BTBD9: variants seen among roughly 807,000 people sequenced by gnomAD.
BTBD9 encodes BTB/POZ domain-containing protein 9.
In BTBD9, 49 loss-of-function variants were observed where a neutral mutation model predicts 64.3. The observed-to-expected ratio is 0.76, with a 90% CI of 0.61 to 0.97. The LOEUF (loss-of-function observed/expected upper bound fraction) is 0.97. Ranked by LOEUF, BTBD9 falls within the 50% of genes least tolerant of loss-of-function variation. The pLI is 0.00. For missense variants in BTBD9, 598 were observed against 762.1 expected (o/e 0.78, Z 2.53); for synonymous variants, 260 against 274.7 (o/e 0.95, Z 0.53).
chr6:38,310,156 G>A (rs1339194916), intron 7 of BTBD9, among the ~76,000 whole-genome samples: 8 of 152,168 alleles, frequency 5.3e-5, no homozygotes, highest in African/African-American at 1.4e-4. Flanking sequence ...AAGTGAGTAC[G>A]AACTTCTGAA....
chr6:38,294,266 C>T (rs896722433), intron 7 of BTBD9, among the ~76,000 whole-genome samples: 1 of 152,144 alleles, frequency 6.6e-6, no homozygotes, highest in Non-Finnish European at 1.5e-5. Context: ...GTGGCGATTC[C>T]TCAAGAATCT....
chr6:38,499,152 A>G (rs1420380551), intron 6 of BTBD9, among the ~76,000 whole-genome samples: 1 of 152,024 alleles, frequency 6.6e-6, no homozygotes, highest in Non-Finnish European at 1.5e-5. Flanking sequence ...ACCAAAAAAA[A>G]AAACAGAGAA....
chr6:38,364,127 G>T (rs1438849498), intron 6 of BTBD9, among the ~76,000 whole-genome samples: 2 of 152,070 alleles, frequency 1.3e-5, no homozygotes, highest in East Asian at 3.8e-4. Context: ...AGAACCTAAT[G>T]TAGCATTAAA....
intron 7 of BTBD9, among the ~76,000 whole-genome samples, chr6:38,326,844 T>A (rs1763461356): frequency 6.6e-6 from 1 of 152,014 alleles, no homozygotes; most frequent in Non-Finnish European, 1.5e-5. Context: ...TCTGTACTAC[T>A]GACAGTTCTG....
At chr6:38,176,037 A>G (rs1010377609) in intron 10 of BTBD9, among the ~76,000 whole-genome samples, 4 of 152,252 alleles carry the variant, frequency 2.6e-5, no homozygotes, top group Admixed American at 6.5e-5. Flanking sequence ...AGCACTGTGC[A>G]GACAGGGCAC....
intron 10 of BTBD9, among the ~76,000 whole-genome samples, chr6:38,178,926 C>T (rs911660607): frequency 6.6e-6 from 1 of 152,214 alleles, no homozygotes; most frequent in Admixed American, 6.5e-5. Flanking sequence ...TATCTCAGCT[C>T]ACTGCAACCT....
At position 38,592,582 on chromosome 6, in the gene BTBD9, T is replaced by A. The variant is rs1011807700; in HGVS notation, c.808A>T (p.Met270Leu). 1 of 1,613,984 alleles carries A rather than the reference T, an allele frequency of 6.2e-7. No individual in the cohort carries two copies. Among genetic ancestry groups the A allele is most frequent in the African/African-American group, 1.3e-5 (1 of 74,916 alleles). ...AGGATAGACAGGTACTTACTGAGCA[T>A]GCCTCTATAATTGAGGTCCATATCC... ...SRDMDLNYRG[M>L]LIPEENIATM... Residue 270 changes from methionine (M) to leucine (L), a missense_variant, in exon 4 of 11, where the codon ATG becomes TTG. Transcript: ENST00000481247.
intron 7 of BTBD9, among the ~76,000 whole-genome samples, chr6:38,343,133 G>T (rs1209948094): frequency 1.3e-5 from 2 of 152,204 alleles, no homozygotes; most frequent in Non-Finnish European, 2.9e-5. Context: ...ATGGAAGAGT[G>T]CTTGAAGAGT....
intron 6 of BTBD9, among the ~76,000 whole-genome samples, chr6:38,425,257 C>A (rs761408067): frequency 6.6e-6 from 1 of 151,680 alleles, no homozygotes; most frequent in South Asian, 2.1e-4. Flanking sequence ...AGGCACCTGC[C>A]ACCACGCCTA....
At chr6:38,305,686 G>A (rs1245483127) in intron 7 of BTBD9, among the ~76,000 whole-genome samples, 5 of 152,012 alleles carry the variant, frequency 3.3e-5, no homozygotes, top group African/African-American at 4.8e-5. Context: ...GTTTCACCAT[G>A]TTGGCCAGGC....
At chr6:38,415,720 G>A (rs567623295) in intron 6 of BTBD9, among the ~76,000 whole-genome samples, 5 of 152,112 alleles carry the variant, frequency 3.3e-5, no homozygotes, top group African/African-American at 1.2e-4. Context: ...CTTCATCCCC[G>A]TTATTGCAAC....
intron 9 of BTBD9, among the ~76,000 whole-genome samples, chr6:38,232,665 C>CTTTTT (rs762881748): frequency 7.1e-6 from 1 of 141,454 alleles, no homozygotes; most frequent in African/African-American, 2.6e-5. Flanking sequence ...CCTTTCGCAA[C>CTTTTT]TTTTTTTTTT....
At chr6:38,373,254 G>C (rs1452608755) in intron 6 of BTBD9, among the ~76,000 whole-genome samples, 1 of 152,146 alleles carries the variant, frequency 6.6e-6, no homozygotes, top group Non-Finnish European at 1.5e-5. Context: ...ATTTCAAGTA[G>C]TATTATAAAT....
intron 1 of BTBD9, among the ~76,000 whole-genome samples, chr6:38,637,906 C>A (rs1317933385): frequency 6.6e-6 from 1 of 152,190 alleles, no homozygotes; most frequent in African/African-American, 2.4e-5. Flanking sequence ...AAGGCTGTAT[C>A]TTGTTAACAG....
rs548548691 is a variant in BTBD9, at chr6:38,371,828, A to G, written c.1155-26735T>C. 3.9e-5 allele frequency among the ~76,000 whole-genome samples: 6 copies of G among 152,330 alleles called. No homozygotes were observed. The South Asian group carries it at 1.2e-3, about 32-fold the overall frequency. On this transcript the variant is annotated intron_variant, in intron 6 of 10. Coordinates refer to ENST00000481247, the MANE Select transcript of BTBD9 (RefSeq NM_001099272.2). Reference sequence around the variant, plus strand: ...ATGTCCCCAAACCATTTATATCAATATCTAACCTATAATTACAATTGGGGA... The same window carrying G: ...ATGTCCCCAAACCATTTATATCAATGTCTAACCTATAATTACAATTGGGGA...
intron 7 of BTBD9, among the ~76,000 whole-genome samples, chr6:38,312,333 C>T (rs1762869669): frequency 6.6e-6 from 1 of 152,174 alleles, no homozygotes; most frequent in Non-Finnish European, 1.5e-5. Flanking sequence ...AAGTACTTTG[C>T]AAATATTTTC....
intron 6 of BTBD9, among the ~76,000 whole-genome samples, chr6:38,470,403 T>C (rs1300277602): frequency 6.6e-6 from 1 of 152,172 alleles, no homozygotes; most frequent in Non-Finnish European, 1.5e-5. Context: ...CCAAAAGATG[T>C]CTTGTTCTTG....
chr6:38,374,283 G>GTATATATATATACATATATATA (rs1554143528), intron 6 of BTBD9, among the ~76,000 whole-genome samples: 9 of 45,474 alleles, frequency 2.0e-4, no homozygotes, highest in African/African-American at 1.3e-3. Context: ...AAAAAAAAAA[G>GTATATATATATACATATATATA]TATATATATA....
intron 6 of BTBD9, among the ~76,000 whole-genome samples, chr6:38,490,460 A>G (rs1244937963): frequency 6.6e-6 from 1 of 152,022 alleles, no homozygotes; most frequent in African/African-American, 2.4e-5. Flanking sequence ...AGCTGGGATT[A>G]CAGGTGTGCA....
Sources: allele counts gnomAD v4.1 joint callset (sites outside exome capture counted in the v4.1 genomes callset), GRCh38; gene constraint gnomAD v4.1.1; transcripts MANE v1.5; gene names NCBI Gene and HGNC (gene_info 2026-07-23, HGNC 2026-07-21).